The following SLC38A5 variants were observed in gnomAD, a reference collection of about 807,000 sequenced individuals.
SLC38A5 encodes the protein solute carrier family 38 member 5, also known as sodium-coupled neutral amino acid transporter 5.
A neutral mutation model predicts 34.6 loss-of-function variants in SLC38A5; 9 were observed. The observed-to-expected ratio is 0.26, with a 90% CI of 0.16 to 0.45. SLC38A5 has a LOEUF of 0.45. SLC38A5 is among the 20% of genes least tolerant of loss of function. The pLI, the probability that SLC38A5 is intolerant of heterozygous loss-of-function variation, is 1.00. For synonymous variants in SLC38A5, 157 were observed against 155.6 expected (o/e 1.01, Z -0.07); for missense variants, 253 against 394.7 (o/e 0.64, Z 3.04).
intron 13 of SLC38A5, 68 bp downstream of exon 13, chrX:48,460,918 G>C: frequency 9.5e-7 from 1 of 1,056,933 alleles, no homozygotes; most frequent in Non-Finnish European, 1.3e-6. Context: ...GTCACAGAAG[G>C]AAAGAGCTCA....
At chrX:48,461,637 C>A in intron 12 of SLC38A5, 81 bp downstream of exon 12, 1 of 985,466 alleles carries the variant, frequency 1.0e-6, no homozygotes, top group Non-Finnish European at 1.4e-6. Flanking sequence ...AGTCCCAGGA[C>A]TGCTGTAGGG....
intron 16 of SLC38A5, 159 bp from the exon 17 acceptor site, chrX:48,459,193 C>A: frequency 5.4e-6 from 3 of 552,757 alleles, no homozygotes; most frequent in Non-Finnish European, 8.7e-6. Flanking sequence ...CCCCTTTCTG[C>A]GAGTCCTTCC....
chrX:48,467,617 G>A lies in SLC38A5; in HGVS notation c.129+93C>T. The A allele has an allele frequency of 3.3e-6, 3 of 910,522 alleles. No individual in the cohort carries two copies. The Admixed American group carries it at 7.8e-5, about 24-fold the overall frequency. 75.0% of individuals were successfully genotyped at this position (910,522 alleles called of 1,213,427 possible). On this transcript the variant is annotated intron_variant, in intron 4 of 16. Coordinates refer to ENST00000620913, the MANE Select transcript of SLC38A5 (RefSeq NM_033518.4). ...GGGGAGATAGCTGGGCAGGGGAACAGCAGGGAGGAGGAGGAGTGGGGAAGA... is the reference window on the plus strand; with the variant it reads ...GGGGAGATAGCTGGGCAGGGGAACAACAGGGAGGAGGAGGAGTGGGGAAGA...
intron 9 of SLC38A5, 21 bp from the exon 10 acceptor site, chrX:48,462,312 A>T (rs782652414): frequency 1.7e-6 from 2 of 1,201,633 alleles, no homozygotes; most frequent in South Asian, 3.6e-5. Context: ...CAAAACACAG[A>T]GTCTCAGAAA....
rs1556961470 is a variant in SLC38A5 at position 48,459,872 on chromosome X, C to T, written c.1073G>A (p.Arg358His). The T allele has an allele frequency of 2.5e-6, 3 of 1,206,932 alleles. No individual in the cohort carries two copies. Among genetic ancestry groups the T allele is most frequent in the Admixed American group, 2.2e-5 (1 of 45,389 alleles). ...LTVPVVLFPI[R>H]RALQQLLFPG... ...GAAAAGCAGCTGCTGCAGGGCCCGG[C>T]GGATCTGTGGCCAGAGTAGGGTGGG... Residue 358 changes from arginine (R) to histidine (H), a missense_variant, in exon 15 of 17, where the codon CGC (arginine) becomes CAC (histidine). Transcript: ENST00000620913.
At position 48,467,856 on chromosome X, in the gene SLC38A5, T is replaced by C. The variant is rs1556963969; in HGVS notation, c.53+16A>G. 3 of 1,207,616 alleles carry C rather than the reference T, an allele frequency of 2.5e-6. No homozygotes were observed. The Admixed American group carries it at 6.6e-5, about 26-fold the overall frequency. On this transcript the variant is annotated intron_variant, in intron 3 of 16. Transcript: ENST00000620913. ...CCCCTGATCCCTGAGCCCACCTCCT[T>C]GGACCCCTGACTCACCCCACAGCAT...
rs2147080480 is a variant in SLC38A5, at chrX:48,469,383, G to C, written c.-50C>G. 1 of 110,091 alleles carries C rather than the reference G, an allele frequency of 9.1e-6. No individual in the cohort carries two copies. Among genetic ancestry groups the C allele is most frequent in the Admixed American group, 9.6e-5 (1 of 10,387 alleles). 9.1% of individuals were successfully genotyped at this position (110,091 alleles called of 1,213,427 possible). A position where few individuals can be genotyped will look rare whatever the true frequency, so the allele number is the denominator to read the frequency against. On this transcript the variant is annotated 5_prime_UTR_variant, in exon 2 of 17. Coordinates refer to ENST00000620913, the MANE Select transcript of SLC38A5 (RefSeq NM_033518.4). ...GGCCGCAACTCAGACTCAGGTTCGG[G>C]CACCCTCTCGGCTGCCTAGGCTCCT...
At position 48,461,630 on chromosome X, in the gene SLC38A5, C is replaced by T. The variant is rs1035885781; in HGVS notation, c.851+88G>A. 3.1e-6 allele frequency: 3 copies of T among 961,429 alleles called. No individual in the cohort carries two copies. In the South Asian group the frequency reaches 7.2e-5, roughly 23 times the overall value. 79.2% of individuals were successfully genotyped at this position (961,429 alleles called of 1,213,427 possible). ...AACCTAGCTTCCACCAAGTGACAGT[C>T]CCAGGACTGCTGTAGGGAGTGTCAG... is the stretch of plus-strand genomic sequence containing the variant. On this transcript the variant is annotated intron_variant, in intron 12 of 16. Transcript: ENST00000620913.
chrX:48,462,653 C>G (rs1326875051), intron 9 of SLC38A5, among the ~76,000 whole-genome samples: 3 of 110,297 alleles, frequency 2.7e-5, no homozygotes, highest in Non-Finnish European at 3.8e-5. Flanking sequence ...ACCCCCGGAA[C>G]AGTGAACTCC....
At position 48,463,895 on chromosome X, in the gene SLC38A5, GAAAGAAAGAAAGAA is replaced by G. The variant is rs1482639067; in HGVS notation, c.492-929_492-916del. Among the ~76,000 whole-genome samples, 6 of 106,684 alleles carry G rather than the reference GAAAGAAAGAAAGAA, an allele frequency of 5.6e-5. No homozygotes were observed. In the East Asian group the frequency reaches 1.8e-3, roughly 31 times the overall value. The allele number at this position is 106,684 out of a possible 115,157, so 92.6% of individuals were successfully genotyped here. ...AGAAAGAAAGAAAGAAAGAAAGAAAGAAAGAAAGAAAGAAAGAGAAAGAAAGAAAGGAGAAAATC... is the reference window on the plus strand; with the variant it reads ...AGAAAGAAAGAAAGAAAGAAAGAAAGAGAGAAAGAAAGAAAGGAGAAAATC... On this transcript the variant is annotated intron_variant, in intron 8 of 16. Coordinates refer to ENST00000620913, the MANE Select transcript of SLC38A5 (RefSeq NM_033518.4).
intron 2 of SLC38A5, chrX:48,468,772 C>T (rs1464810651): frequency 3.2e-6 from 2 of 630,671 alleles, no homozygotes; most frequent in African/African-American, 5.0e-5. Flanking sequence ...ACTTGAGAAA[C>T]TTCCTAGGTG....
At chrX:48,463,890 AG>A (rs2147066717) in intron 8 of SLC38A5, among the ~76,000 whole-genome samples, 1 of 107,309 alleles carries the variant, frequency 9.3e-6, no homozygotes, top group South Asian at 4.0e-4. Context: ...AAAGAAAGAA[AG>A]AAAGAAAGAA....
rs150648836 is a variant in SLC38A5, at chrX:48,458,899, C to T, written c.*34G>A. 9.1e-5 allele frequency: 106 copies of T among 1,163,561 alleles called. No homozygotes were observed. The African/African-American group carries it at 1.8e-3, about 19-fold the overall frequency. ...GGAGCGGCCCTGACCCCTCCATGTG[C>T]ATGCGCACAGGGACCTGGGCCAGCA... On this transcript the variant is annotated 3_prime_UTR_variant, in exon 17 of 17. Transcript: ENST00000620913.
At chrX:48,467,138 A>C in intron 4 of SLC38A5, 61 bp from the exon 5 acceptor site, 1 of 985,969 alleles carries the variant, frequency 1.0e-6, no homozygotes, top group Non-Finnish European at 1.4e-6. Context: ...AAGGAGACTA[A>C]TGCCAGGGCC....
chrX:48,462,298 G>A lies in SLC38A5; in HGVS notation c.575-7C>T, dbSNP rs2061439906. ...CTGGTGTACCCCAGGTAGCCTAAGA[G>A]GGGCAAAACACAGAGTCTCAGAAAT... On this transcript the variant is annotated splice_region_variant and splice_polypyrimidine_tract_variant and intron_variant, in intron 9 of 16. Transcript: ENST00000620913. The A allele has an allele frequency of 8.3e-7, 1 of 1,206,792 alleles. No individual in the cohort carries two copies. The highest frequency in any genetic ancestry group is 1.8e-5 in the South Asian group (1 of 56,341).
chrX:48,459,852 G>A lies in SLC38A5; in HGVS notation c.1093C>T (p.Leu365Phe). The A allele has an allele frequency of 2.5e-6, 3 of 1,210,430 alleles. No individual in the cohort carries two copies. Among genetic ancestry groups the A allele is most frequent in the Non-Finnish European group, 3.4e-6 (3 of 894,856 alleles). The change falls in exon 15 of 17, where the codon CTT becomes TTT. Residue 365 changes from leucine to phenylalanine, a missense_variant. Physicochemically the swap from Leu to Phe is conservative, Grantham distance 22. Around this residue, in one of 3 missense-constraint regions of SLC38A5, gnomAD observed 176 missense variants for 273.0 expected, o/e 0.64. Coordinates refer to ENST00000620913, the MANE Select transcript of SLC38A5 (RefSeq NM_033518.4). ...CAGCTGAAGGCCTTGCCTGGGAAAAGCAGCTGCTGCAGGGCCCGGCGGATC... is the reference window on the plus strand; with the variant it reads ...CAGCTGAAGGCCTTGCCTGGGAAAAACAGCTGCTGCAGGGCCCGGCGGATC... ...FPIRRALQQL[L>F]FPGKAFSWPR...
At chrX:48,461,899 A>G in intron 11 of SLC38A5, 102 bp from the exon 12 acceptor site, 1 of 1,124,209 alleles carries the variant, frequency 8.9e-7, no homozygotes, top group Non-Finnish European at 1.2e-6. Flanking sequence ...TCAGACACAT[A>G]GAAGCTCCCA....
rs113694771 is a variant in SLC38A5, at chrX:48,460,738, T to A, written c.979A>T (p.Met327Leu). The A allele has an allele frequency of 1.2e-5, 14 of 1,210,396 alleles. No individual in the cohort carries two copies. Among genetic ancestry groups the A allele is most frequent in the Non-Finnish European group, 1.6e-5 (14 of 895,302 alleles). ...ATGAGCGGGTCCTTCTGGCTGTACA[T>A]GTGCAGCATCTCCGCCTTCACACTG... ...YSSVKAEMLH[M>L]YSQKDPLILC... The change falls in exon 14 of 17, where the codon ATG becomes TTG. Residue 327 changes from methionine (M) to leucine (L), a missense_variant. By Grantham distance (15) the Met-to-Leu change is conservative (BLOSUM62 2). This residue lies in a region of SLC38A5 where 176 missense variants were observed against 273.0 expected (regional missense o/e 0.64). Transcript: ENST00000620913.
Position 48,467,796 on chromosome X carries a change from C to T in SLC38A5, c.54-11G>A. ...CGTTCTTGCCTGTAGCTGGATAGGG[C>T]AGGGAAATAGGGGCCGATAAGAGGG... On this transcript the variant is annotated splice_polypyrimidine_tract_variant and intron_variant, in intron 3 of 16. Transcript: ENST00000620913. 1 of 1,206,256 alleles carries T rather than the reference C, an allele frequency of 8.3e-7. No individual in the cohort carries two copies. Among genetic ancestry groups the T allele is most frequent in the South Asian group, 1.8e-5 (1 of 55,994 alleles).
Sources: gnomAD v4.1 joint callset for allele counts (sites outside exome capture counted in the v4.1 genomes callset) on GRCh38, gnomAD v4.1.1 for gene constraint, gnomAD v4.1.1 regional missense constraint, MANE v1.5 for transcripts, NCBI Gene and HGNC (gene_info 2026-07-23, HGNC 2026-07-21) for gene names.